CNTFR: variants seen among roughly 807,000 people sequenced by gnomAD.
CNTFR encodes ciliary neurotrophic factor receptor subunit alpha.
Under a neutral mutation model 40.4 loss-of-function variants are expected in CNTFR, and 12 were observed. The ratio of observed to expected loss-of-function variants is 0.30; its 90% CI spans 0.19 to 0.48. The LOEUF (loss-of-function observed/expected upper bound fraction) is 0.48, where lower values mean the gene tolerates loss of function less well. Among genes scored for constraint, CNTFR ranks in the 20% least tolerant of loss-of-function variants. CNTFR has a pLI of 0.99. For synonymous variants in CNTFR, 202 were observed against 209.6 expected (o/e 0.96, Z 0.31); for missense variants, 414 against 506.8 (o/e 0.82, Z 1.76).
chr9:34,565,838 C>G (rs751157771), intron 3 of CNTFR, among the ~76,000 whole-genome samples: 28 of 152,124 alleles, frequency 1.8e-4, no homozygotes, highest in Non-Finnish European at 3.2e-4. Flanking sequence ...CAGGACACCC[C>G]CTTCTCATCC....
rs1186705631 is a variant in CNTFR at position 34,551,509 on chromosome 9, A to G, written c.*562T>C. 5.5e-6 allele frequency: 1 copy of G among 180,378 alleles called. No homozygotes were observed. Among genetic ancestry groups the G allele is most frequent in the Non-Finnish European group, 1.2e-5 (1 of 84,300 alleles). 11.2% of individuals were successfully genotyped at this position (180,378 alleles called of 1,614,324 possible). ...ATACATCTATAAAAAATTCAAATAC[A>G]GCAAGTTACCATTGAGTCAGACTAG... On this transcript the variant is annotated 3_prime_UTR_variant, in exon 10 of 10. Coordinates refer to ENST00000378980, the MANE Select transcript of CNTFR (RefSeq NM_147164.3).
At chr9:34,583,590 A>C (rs1414538424) in intron 1 of CNTFR, among the ~76,000 whole-genome samples, 5 of 150,772 alleles carry the variant, frequency 3.3e-5, no homozygotes, top group African/African-American at 9.8e-5. Context: ...GCACCCCCCA[A>C]CCCCACCCCC....
chr9:34,573,689 A>T (rs1826797193), intron 2 of CNTFR, among the ~76,000 whole-genome samples: 1 of 152,140 alleles, frequency 6.6e-6, no homozygotes, highest in South Asian at 2.1e-4. Flanking sequence ...CCAGAATCCC[A>T]CAGTGAGGGG....
chr9:34,582,855 G>A, intron 1 of CNTFR: 1 of 152,194 alleles, frequency 6.6e-6, no homozygotes, highest in Non-Finnish European at 1.5e-5. Context: ...AACACCGACA[G>A]ATACACTCCA....
chr9:34,590,664 G>C (rs1167253959), upstream of CNTFR, among the ~76,000 whole-genome samples: 4 of 152,236 alleles, frequency 2.6e-5, no homozygotes, highest in Non-Finnish European at 5.9e-5. Context: ...GGGGTAGGGA[G>C]GGTGCACTCT....
intron 2 of CNTFR, among the ~76,000 whole-genome samples, chr9:34,577,514 T>G (rs1228445335): frequency 6.6e-6 from 1 of 151,980 alleles, no homozygotes; most frequent in African/African-American, 2.4e-5. Flanking sequence ...CTAGGAGGTG[T>G]GGACAAATGA....
At position 34,568,900 on chromosome 9, in the gene CNTFR, G is replaced by C. The variant is rs1168854037; in HGVS notation, c.82C>G (p.Gln28Glu). The change falls in exon 3 of 10, where the codon CAG (glutamine) becomes GAG (glutamate). Residue 28 changes from glutamine (Q) to glutamate (E), a missense_variant. By Grantham distance (29) the Gln-to-Glu change is conservative. This residue lies in a region of CNTFR where 250 missense variants were observed against 269.5 expected (regional missense o/e 0.93). Transcript: ENST00000378980. ...AVVYAQRHSP[Q>E]EAPHVQYERL... ...GGCGGCTCCCGTGAGCACTCACCCT[G>C]TGGACTGTGTCTCTGGGCGTAGACA... 1.3e-6 allele frequency: 2 copies of C among 1,589,744 alleles called. No homozygotes were observed.
At chr9:34,555,435 A>C (rs1394622191) in intron 7 of CNTFR, among the ~76,000 whole-genome samples, 1 of 152,138 alleles carries the variant, frequency 6.6e-6, no homozygotes, top group African/African-American at 2.4e-5. Context: ...CCTAGCCCAC[A>C]GGCCTCATGG....
At chr9:34,570,638 A>C (rs1034297969) in intron 2 of CNTFR, among the ~76,000 whole-genome samples, 1 of 152,172 alleles carries the variant, frequency 6.6e-6, no homozygotes, top group Non-Finnish European at 1.5e-5. Context: ...TGCCAGAGAC[A>C]CTGTCAGACA....
In CNTFR at chr9:34,564,688, T is replaced by C. The variant is rs1564063636; in HGVS notation, c.230A>G (p.His77Arg). 1 of 1,613,816 alleles carries C rather than the reference T, an allele frequency of 6.2e-7. No individual in the cohort carries two copies. Among genetic ancestry groups the C allele is most frequent in the African/African-American group, 1.3e-5 (1 of 74,948 alleles). ...DLLNGSQLVL[H>R]GLELGHSGLY... ...GCCACTGTGGCCCAGTTCCAGGCCA[T>C]GGAGCACCAGCTGAGAGCCGTTGAG... The change falls in exon 4 of 10, where the codon CAT (histidine) becomes CGT (arginine). Residue 77 changes from histidine (H) to arginine (R), a missense_variant. Transcript: ENST00000378980.
At chr9:34,573,680 C>T (rs979986775) in intron 2 of CNTFR, among the ~76,000 whole-genome samples, 1 of 152,164 alleles carries the variant, frequency 6.6e-6, no homozygotes, top group African/African-American at 2.4e-5. Flanking sequence ...GCCCAGACTC[C>T]AGAATCCCAC....
intron 2 of CNTFR, among the ~76,000 whole-genome samples, chr9:34,575,867 C>T (rs900603227): frequency 3.9e-5 from 6 of 152,184 alleles, no homozygotes; most frequent in Admixed American, 6.5e-5. Flanking sequence ...GCACCATGCA[C>T]GCTACTTCTG....
intron 1 of CNTFR, among the ~76,000 whole-genome samples, chr9:34,588,672 C>T (rs1018919347): frequency 3.9e-5 from 6 of 152,206 alleles, no homozygotes; most frequent in African/African-American, 1.4e-4. Flanking sequence ...TGAAATAGTC[C>T]TGCCCGCCTG....
rs562851561 is a variant in CNTFR, at chr9:34,577,949, C to T, written c.-1+3146G>A. ...CGGGCTGGGCGGGCTGGCGGGCGGGCGAGCGCGGGGCGGGGGCGTCGCGGC... is the reference window on the plus strand; with the variant it reads ...CGGGCTGGGCGGGCTGGCGGGCGGGTGAGCGCGGGGCGGGGGCGTCGCGGC... On this transcript the variant is annotated intron_variant, in intron 2 of 9. Coordinates refer to ENST00000378980, the MANE Select transcript of CNTFR (RefSeq NM_147164.3). 2.0e-5 allele frequency among the ~76,000 whole-genome samples: 3 copies of T among 150,380 alleles called. No individual in the cohort carries two copies. The East Asian group carries it at 5.8e-4, about 29-fold the overall frequency.
chr9:34,579,774 A>C (rs1038133185), intron 2 of CNTFR, among the ~76,000 whole-genome samples: 8 of 151,988 alleles, frequency 5.3e-5, no homozygotes, highest in Non-Finnish European at 1.2e-4. Context: ...ATTTCCAAAA[A>C]CCGTTTTTCA....
chr9:34,558,029 G>A (rs1450970878), intron 4 of CNTFR, 45 bp from the exon 5 acceptor site: 1 of 1,405,086 alleles, frequency 7.1e-7, no homozygotes, highest in East Asian at 2.3e-5. Flanking sequence ...GGAGCTCCCA[G>A]TCCCCTGCAC....
Position 34,552,022 on chromosome 9 carries a change from C to T in CNTFR, c.*49G>A, listed in dbSNP as rs768926669. The T allele has an allele frequency of 9.2e-7, 1 of 1,084,784 alleles. No homozygotes were observed. Among genetic ancestry groups the T allele is most frequent in the South Asian group, 1.3e-5 (1 of 76,310 alleles). 67.2% of individuals were successfully genotyped at this position (1,084,784 alleles called of 1,614,324 possible). ...CCGGGGTCTGCAGGCTCAGCTCCGG[C>T]CTCCTGCTCCTCTGCAGGTGCTCTG... is the stretch of plus-strand genomic sequence containing the variant. On this transcript the variant is annotated 3_prime_UTR_variant, in exon 10 of 10. Transcript: ENST00000378980. The surrounding 1 kb of genome is among the most constrained non-coding windows in gnomAD (Gnocchi z 5.1).
At chr9:34,584,611 G>C (rs1429534283) in intron 1 of CNTFR, among the ~76,000 whole-genome samples, 3 of 152,202 alleles carry the variant, frequency 2.0e-5, no homozygotes, top group Non-Finnish European at 4.4e-5. Context: ...GAAGGTCAGA[G>C]ATGGGGTCCA....
At chr9:34,573,311 G>A (rs1056899800) in intron 2 of CNTFR, among the ~76,000 whole-genome samples, 4 of 152,314 alleles carry the variant, frequency 2.6e-5, no homozygotes, top group East Asian at 1.9e-4. Flanking sequence ...AGGTCAGGGT[G>A]GGGGATAATG....
Sources: allele counts gnomAD v4.1 joint callset (sites outside exome capture counted in the v4.1 genomes callset), GRCh38; gene constraint gnomAD v4.1.1; regional missense constraint gnomAD v4.1.1; non-coding constraint Gnocchi (gnomAD v3.1); transcripts MANE v1.5; gene names NCBI Gene and HGNC (gene_info 2026-07-23, HGNC 2026-07-21).